The following RBPMS variants were observed in gnomAD, a reference collection of about 807,000 sequenced individuals.
The protein encoded by RBPMS is RNA binding protein, mRNA processing factor.
In RBPMS, 7 loss-of-function variants were observed where a neutral mutation model predicts 26.8. That is an observed-to-expected ratio of 0.26 (90% confidence interval 0.15 to 0.49). RBPMS has a LOEUF of 0.49. Among genes scored for constraint, RBPMS ranks in the 20% least tolerant of loss-of-function variants. RBPMS has a pLI of 0.98. For synonymous variants in RBPMS, 96 were observed against 93.3 expected, an observed-to-expected ratio of 1.03 and a Z score of -0.17; for missense variants, 186 against 250.0, an observed-to-expected ratio of 0.74 and a Z score of 1.73.
At chr8:30,544,375 A>G in intron 5 of RBPMS, 119 bp from the exon 6 acceptor site, 1 of 979,768 alleles carries the variant, frequency 1.0e-6, no homozygotes. Context: ...TTGTTAAAAG[A>G]ATGAGAGTAA....
chr8:30,542,680 C>T (rs1388216766), intron 5 of RBPMS, among the ~76,000 whole-genome samples: 1 of 152,220 alleles, frequency 6.6e-6, no homozygotes, highest in South Asian at 2.1e-4. Context: ...CGCTAAACAA[C>T]AATAATAGTT....
chr8:30,449,920 A>G (rs1267852676), intron 1 of RBPMS, among the ~76,000 whole-genome samples: 2 of 152,242 alleles, frequency 1.3e-5, no homozygotes, highest in Non-Finnish European at 2.9e-5. Context: ...TTTCAACAGA[A>G]AATCTTCAAA....
intron 1 of RBPMS, among the ~76,000 whole-genome samples, chr8:30,436,707 G>A (rs1812487959): frequency 6.6e-6 from 1 of 152,186 alleles, no homozygotes; most frequent in Non-Finnish European, 1.5e-5. Context: ...GGTATGCAGT[G>A]TGCCTGAGCT....
chr8:30,511,753 G>C (rs1332404641), intron 5 of RBPMS, among the ~76,000 whole-genome samples: 1 of 151,522 alleles, frequency 6.6e-6, no homozygotes, highest in Non-Finnish European at 1.5e-5. Flanking sequence ...GAACCCGGGA[G>C]GCCGAGGTTG....
intron 5 of RBPMS, among the ~76,000 whole-genome samples, chr8:30,517,734 T>C (rs2979498): frequency 6.6e-6 from 1 of 152,074 alleles, no homozygotes; most frequent in Non-Finnish European, 1.5e-5. Context: ...AAGTGTTCAG[T>C]TGAAGTTATA....
intron 4 of RBPMS, among the ~76,000 whole-genome samples, chr8:30,489,120 C>T (rs1261895129): frequency 6.6e-6 from 1 of 152,054 alleles, no homozygotes; most frequent in African/African-American, 2.4e-5. Flanking sequence ...CATCATGACT[C>T]ACTACAGCCT....
chr8:30,454,782 T>TA (rs1191278332), intron 1 of RBPMS, among the ~76,000 whole-genome samples: 2 of 152,226 alleles, frequency 1.3e-5, no homozygotes, highest in Non-Finnish European at 2.9e-5. Flanking sequence ...TAAGTAGTGT[T>TA]ATCTAATTTG....
chr8:30,451,651 C>T (rs775489293), intron 1 of RBPMS, among the ~76,000 whole-genome samples: 2 of 151,992 alleles, frequency 1.3e-5, no homozygotes, highest in South Asian at 2.1e-4. Context: ...GATTTTTTTC[C>T]CAGCAGGCAA....
intron 1 of RBPMS, among the ~76,000 whole-genome samples, chr8:30,455,855 A>C (rs932863923): frequency 2.0e-5 from 3 of 152,184 alleles, no homozygotes; most frequent in African/African-American, 7.2e-5. Context: ...ACGCCACTGC[A>C]CTCGAGCCTG....
At chr8:30,523,467 A>G (rs1823265186) in intron 5 of RBPMS, among the ~76,000 whole-genome samples, 1 of 151,706 alleles carries the variant, frequency 6.6e-6, no homozygotes, top group Non-Finnish European at 1.5e-5. Flanking sequence ...GAGATAATAT[A>G]CTTTAAAATG....
chr8:30,454,028 A>T (rs1814921148), intron 1 of RBPMS, among the ~76,000 whole-genome samples: 1 of 152,202 alleles, frequency 6.6e-6, no homozygotes, highest in Admixed American at 6.5e-5. Flanking sequence ...GAGATCAGGC[A>T]TATTTAAGAA....
At chr8:30,537,461 G>A (rs770684379) in intron 5 of RBPMS, 6 of 425,150 alleles carry the variant, frequency 1.4e-5, no homozygotes, top group South Asian at 5.1e-5. Context: ...GTGGGGAGAC[G>A]GTGGAAGTTA....
chr8:30,520,895 C>T (rs946402850), intron 5 of RBPMS, among the ~76,000 whole-genome samples: 1 of 151,904 alleles, frequency 6.6e-6, no homozygotes, highest in African/African-American at 2.4e-5. Flanking sequence ...TTACTAGTGG[C>T]TATACGTTGT....
chr8:30,436,784 G>A (rs17626155), intron 1 of RBPMS, among the ~76,000 whole-genome samples: 3,916 of 152,182 alleles, frequency 0.026, 67 homozygotes, highest in South Asian at 0.085. Context: ...AAAAGAATTC[G>A]TTGTGTCAAA....
chr8:30,558,675 G>A (rs1563451650), intron 6 of RBPMS: 8 of 623,676 alleles, frequency 1.3e-5, no homozygotes, highest in Non-Finnish European at 2.3e-5. Context: ...TTTCCTCAGA[G>A]AGCTTGCCTG....
chr8:30,497,623 G>A (rs1411691073), intron 4 of RBPMS, among the ~76,000 whole-genome samples: 1 of 151,756 alleles, frequency 6.6e-6, no homozygotes, highest in African/African-American at 2.4e-5. Flanking sequence ...GTTTTGTTTT[G>A]TTTGTTTGTT....
At chr8:30,472,497 T>C (rs1223796430) in intron 1 of RBPMS, among the ~76,000 whole-genome samples, 1 of 152,198 alleles carries the variant, frequency 6.6e-6, no homozygotes, top group Non-Finnish European at 1.5e-5. Context: ...GGTGATAGAT[T>C]GTCTTGGTTG....
intron 4 of RBPMS, among the ~76,000 whole-genome samples, chr8:30,501,856 T>G (rs969036711): frequency 1.3e-5 from 2 of 152,310 alleles, no homozygotes; most frequent in East Asian, 3.9e-4. Flanking sequence ...ACACAAGGAA[T>G]TTTTTTCTCT....
At chr8:30,388,124 CA>C (rs1408968981) in intron 1 of RBPMS, among the ~76,000 whole-genome samples, 1 of 151,950 alleles carries the variant, frequency 6.6e-6, no homozygotes, top group African/African-American at 2.4e-5. Flanking sequence ...ATGTATTATA[CA>C]TGTGTGTTCC....
Sources: gnomAD v4.1 joint callset for allele counts (sites outside exome capture counted in the v4.1 genomes callset) on GRCh38, gnomAD v4.1.1 for gene constraint, MANE v1.5 for transcripts, NCBI Gene and HGNC (gene_info 2026-07-23, HGNC 2026-07-21) for gene names.